The following ZNF227 variants were observed in gnomAD, a reference collection of about 807,000 sequenced individuals.
ZNF227 encodes the protein zinc finger protein 227.
In ZNF227, 12 loss-of-function variants were observed where a neutral mutation model predicts 13.2. The ratio of observed to expected loss-of-function variants is 0.91; its 90% CI spans 0.58 to 1.47. The LOEUF is 1.47. Among genes scored for constraint, ZNF227 ranks in the 40% most tolerant of loss-of-function variants. ZNF227 has a pLI of 0.00. For synonymous variants in ZNF227, 338 were observed against 326.0 expected, an observed-to-expected ratio of 1.04 and a Z score of -0.40; for missense variants, 885 against 967.5, an observed-to-expected ratio of 0.91 and a Z score of 1.13.
intron 2 of ZNF227, among the ~76,000 whole-genome samples, chr19:44,215,851 G>T (rs1363470530): frequency 6.6e-6 from 1 of 151,962 alleles, no homozygotes; most frequent in Non-Finnish European, 1.5e-5. Context: ...AGCCAGACGT[G>T]GTGGTGCGTA....
chr19:44,233,643 C>T (rs1365117950), intron 5 of ZNF227, among the ~76,000 whole-genome samples: 1 of 152,104 alleles, frequency 6.6e-6, no homozygotes, highest in Middle Eastern at 3.2e-3. Flanking sequence ...AGCCTGTAAT[C>T]CCAGCACTCT....
At position 44,236,773 on chromosome 19, in the gene ZNF227, C is replaced by A. The variant is rs760410710; in HGVS notation, c.2343C>A (p.Phe781Leu). 56 of 1,610,802 alleles carry A rather than the reference C, an allele frequency of 3.5e-5. No individual in the cohort carries two copies. Among genetic ancestry groups the A allele is most frequent in the Non-Finnish European group, 4.5e-5 (53 of 1,178,562 alleles). The change falls in exon 6 of 6, where the codon TTC (phenylalanine) becomes TTA (leucine). Residue 781 changes from phenylalanine to leucine, a missense_variant. Phe to Leu is a conservative substitution (Grantham distance 22). Coordinates refer to ENST00000313040, the MANE Select transcript of ZNF227 (RefSeq NM_182490.3). ...PYKCDICDKD[F>L]RHRSRLTYHQ... ...AATGTGACATATGTGATAAGGACTT[C>A]CGTCACCGTTCACGTCTTACATATC...
chr19:44,232,334 C>CTATATCGCTCTAAGTTTA (rs548188195), intron 5 of ZNF227, among the ~76,000 whole-genome samples: 2 of 152,224 alleles, frequency 1.3e-5, no homozygotes, highest in African/African-American at 4.8e-5. Flanking sequence ...AGACTGCTCT[C>CTATATCGCTCTAAGTTTA]TATATCGCTC....
chr19:44,235,677 G>T lies in ZNF227; in HGVS notation c.1247G>T (p.Gly416Val). 1 of 1,614,110 alleles carries T rather than the reference G, an allele frequency of 6.2e-7. No individual in the cohort carries two copies. Among genetic ancestry groups the T allele is most frequent in the Non-Finnish European group, 8.5e-7 (1 of 1,180,022 alleles). The change falls in exon 6 of 6, where the codon GGC becomes GTC. Residue 416 changes from glycine to valine, a missense_variant. Gly to Val is a moderately radical substitution (Grantham distance 109). Transcript: ENST00000313040. Reference protein sequence around the residue: ...KPYKCEECGKGFTQAAHFHIH... With the variant: ...KPYKCEECGKVFTQAAHFHIH... The stretch of plus-strand genomic sequence containing the variant: ...TATAAATGTGAGGAATGTGGTAAGG[G>T]CTTCACTCAGGCTGCACATTTTCAC...
chr19:44,230,920 AAAAAAAAT>A (rs1333160044), intron 5 of ZNF227, among the ~76,000 whole-genome samples: 2 of 111,828 alleles, frequency 1.8e-5, no homozygotes, highest in African/African-American at 1.2e-4. Flanking sequence ...AAAAAAAAAA[AAAAAAAAT>A]ATATATATAT....
At chr19:44,218,031 G>A (rs1332766973) in intron 3 of ZNF227, among the ~76,000 whole-genome samples, 179 bp downstream of exon 3, 1 of 152,110 alleles carries the variant, frequency 6.6e-6, no homozygotes, top group African/African-American at 2.4e-5. Context: ...ACAAAACAGT[G>A]TTTGAAAAAA....
At chr19:44,216,106 C>CT (rs1032870955) in intron 2 of ZNF227, among the ~76,000 whole-genome samples, 1 of 135,168 alleles carries the variant, frequency 7.4e-6, no homozygotes, top group Non-Finnish European at 1.6e-5. Flanking sequence ...AGTTCTTTGG[C>CT]TTTTTTTAAA....
chr19:44,229,797 G>A lies in ZNF227; in HGVS notation c.252G>A (p.Met84Ile), dbSNP rs1286657542. Residue 84 changes from methionine (M) to isoleucine (I), a missense_variant, in exon 5 of 6, where the codon ATG becomes ATA. Physicochemically the swap from Met to Ile is conservative, Grantham distance 10 (BLOSUM62 1). Coordinates refer to ENST00000313040, the MANE Select transcript of ZNF227 (RefSeq NM_182490.3). ...AAGCAGAAGAAAAGCTTTGGATGATGGAAACAGAAACCCAAAGAAGTAGGT... is the reference window on the plus strand; with the variant it reads ...AAGCAGAAGAAAAGCTTTGGATGATAGAAACAGAAACCCAAAGAAGTAGGT... ...QLEAEEKLWMMETETQRSSKH... is the reference protein window; with the variant it reads ...QLEAEEKLWMIETETQRSSKH... 1.9e-6 allele frequency: 3 copies of A among 1,582,104 alleles called. No individual in the cohort carries two copies. In the Admixed American group the frequency reaches 5.1e-5, roughly 27 times the overall value.
chr19:44,232,609 TAATC>T (rs1328545710), intron 5 of ZNF227, among the ~76,000 whole-genome samples: 1 of 152,162 alleles, frequency 6.6e-6, no homozygotes, highest in African/African-American at 2.4e-5. Flanking sequence ...GCTCATTGGA[TAATC>T]TAGGATAATC....
intron 3 of ZNF227, among the ~76,000 whole-genome samples, chr19:44,218,990 C>T (rs537510571): frequency 8.5e-5 from 13 of 152,312 alleles, no homozygotes; most frequent in East Asian, 3.9e-4. Flanking sequence ...CAGGTTCAAG[C>T]GATTCTCCTG....
At chr19:44,225,176 C>T (rs1972977691) in intron 3 of ZNF227, among the ~76,000 whole-genome samples, 1 of 152,072 alleles carries the variant, frequency 6.6e-6, no homozygotes, top group Admixed American at 6.6e-5. Context: ...GGTAACCTGA[C>T]CTTTCTCTCT....
intron 3 of ZNF227, among the ~76,000 whole-genome samples, chr19:44,218,428 A>T (rs1363605054): frequency 1.3e-5 from 2 of 152,214 alleles, no homozygotes; most frequent in African/African-American, 4.8e-5. Flanking sequence ...GAAGAGGTTT[A>T]TGTCTCAGTT....
At chr19:44,228,368 T>C (rs1184410467) in intron 3 of ZNF227, 78 bp from the exon 4 acceptor site, 1 of 1,526,340 alleles carries the variant, frequency 6.6e-7, no homozygotes, top group African/African-American at 1.4e-5. Context: ...TTTGTGGTGC[T>C]CTTTTCCTTC....
chr19:44,212,813 C>A (rs576746211), intron 1 of ZNF227: 9 of 150,816 alleles, frequency 6.0e-5, no homozygotes, highest in African/African-American at 2.2e-4. Context: ...CCTGTTTCCT[C>A]ATCTTTAAAA....
intron 3 of ZNF227, among the ~76,000 whole-genome samples, chr19:44,218,658 G>T (rs1568595819): frequency 6.6e-6 from 1 of 152,194 alleles, no homozygotes; most frequent in African/African-American, 2.4e-5. Context: ...ATCTGTCATT[G>T]CATTTTTCAG....
At chr19:44,229,704 T>A (rs1289191585) in intron 4 of ZNF227, 29 bp from the exon 5 acceptor site, 1 of 1,515,634 alleles carries the variant, frequency 6.6e-7, no homozygotes. Context: ...GTGTTCATCT[T>A]AAATACATAA....
chr19:44,215,314 T>G (rs1599769955), intron 2 of ZNF227, among the ~76,000 whole-genome samples: 1 of 151,864 alleles, frequency 6.6e-6, no homozygotes, highest in Non-Finnish European at 1.5e-5. Flanking sequence ...TCAGTTTTTT[T>G]TTTATTTTCT....
At chr19:44,212,852 G>A (rs1000983343) in intron 1 of ZNF227, 1 of 152,194 alleles carries the variant, frequency 6.6e-6, no homozygotes, top group South Asian at 2.1e-4. Context: ...TTACTGTGTA[G>A]GGTTGTAATT....
rs192556458 is a variant in ZNF227 at position 44,220,658 on chromosome 19, T to A, written c.60+2806T>A. ...ACTGGATATCAGCATTTCTTTTTTT[T>A]AAAATTTTATTATTATTAAACTAAG... On this transcript the variant is annotated intron_variant, in intron 3 of 5. Coordinates refer to ENST00000313040, the MANE Select transcript of ZNF227 (RefSeq NM_182490.3). 4.8e-3 allele frequency among the ~76,000 whole-genome samples: 726 copies of A among 152,276 alleles called. 3 individuals are homozygous for A. Among genetic ancestry groups the A allele is most frequent in the Admixed American group, 0.012 (191 of 15,292 alleles).
Sources: allele counts gnomAD v4.1 joint callset (sites outside exome capture counted in the v4.1 genomes callset), GRCh38; gene constraint gnomAD v4.1.1; transcripts MANE v1.5; gene names NCBI Gene and HGNC (gene_info 2026-07-23, HGNC 2026-07-21).